PARP8: variants seen among roughly 807,000 people sequenced by gnomAD.
PARP8 encodes the protein poly(ADP-ribose) polymerase family member 8, also known as protein mono-ADP-ribosyltransferase PARP8.
PARP8 carries 51 observed loss-of-function variants against 124.1 expected under a neutral mutation model. The observed-to-expected ratio is 0.41, with a 90% CI of 0.33 to 0.52. The LOEUF is 0.52. Among genes scored for constraint, PARP8 ranks in the 20% least tolerant of loss-of-function variants. The pLI, the probability that PARP8 is intolerant of heterozygous loss-of-function variation, is 0.21. For missense variants in PARP8, 860 were observed against 1,018.9 expected (o/e 0.84, Z 2.12); for synonymous variants, 391 against 361.5 (o/e 1.08, Z -0.93).
At chr5:50,793,532 C>G (rs1001303117) in intron 10 of PARP8, among the ~76,000 whole-genome samples, 3 of 152,146 alleles carry the variant, frequency 2.0e-5, no homozygotes, top group Non-Finnish European at 4.4e-5. Flanking sequence ...TTAGGAGTTA[C>G]CAACATTCTG....
At chr5:50,757,735 T>C (rs1244182729) in intron 3 of PARP8, among the ~76,000 whole-genome samples, 1 of 152,196 alleles carries the variant, frequency 6.6e-6, no homozygotes, top group Admixed American at 6.5e-5. Context: ...GCCATTTTGA[T>C]AGAAAATCCT....
intron 15 of PARP8, among the ~76,000 whole-genome samples, chr5:50,818,226 T>TTTTTCTTTTC (rs70972948): frequency 0.26 from 37,283 of 145,682 alleles, 6,515 homozygotes; most frequent in African/African-American, 0.49. Context: ...TCTTTTTTAT[T>TTTTTCTTTTC]TTTTCTTTCT....
chr5:50,809,949 A>G (rs1157523018), intron 14 of PARP8, among the ~76,000 whole-genome samples: 3 of 152,052 alleles, frequency 2.0e-5, no homozygotes, highest in Non-Finnish European at 4.4e-5. Context: ...GAAAACATAA[A>G]TTTCTTAAAA....
chr5:50,693,006 GTGT>G (rs1167108406), intron 2 of PARP8, among the ~76,000 whole-genome samples: 2 of 152,112 alleles, frequency 1.3e-5, no homozygotes, highest in Non-Finnish European at 2.9e-5. Context: ...TATGATAAGG[GTGT>G]TGAGGACCTC....
chr5:50,678,061 A>T (rs1431868492), intron 2 of PARP8, among the ~76,000 whole-genome samples: 1 of 152,202 alleles, frequency 6.6e-6, no homozygotes, highest in African/African-American at 2.4e-5. Context: ...TAGAATGTAG[A>T]TAAGTACATG....
Position 50,667,043 on chromosome 5 carries a change from G to A in PARP8, c.-53G>A, listed in dbSNP as rs1338760697. The A allele has an allele frequency of 5.6e-6, 9 of 1,595,910 alleles. No homozygotes were observed. The highest frequency in any genetic ancestry group is 6.8e-6 in the Non-Finnish European group (8 of 1,179,552). ...TTTACGAAAGCTGGAAGCGTGCGAG[G>A]GGGGTGGGGTGGGGTGGAAATAGCG... On this transcript the variant is annotated 5_prime_UTR_variant, in exon 1 of 26. Transcript: ENST00000281631.
In PARP8 at chr5:50,826,735, A is replaced by T. The variant is rs759458998; in HGVS notation, c.1929-20A>T. ...TATATTTGGCATGTATTTGTGACTAATGGATCATTTTAATTTCAGGGTTAT... is the reference window on the plus strand; with the variant it reads ...TATATTTGGCATGTATTTGTGACTATTGGATCATTTTAATTTCAGGGTTAT... On this transcript the variant is annotated intron_variant, in intron 18 of 25. Coordinates refer to ENST00000281631, the MANE Select transcript of PARP8 (RefSeq NM_024615.4). The T allele has an allele frequency of 6.3e-7, 1 of 1,575,850 alleles. No individual in the cohort carries two copies. The highest frequency in any genetic ancestry group is 2.0e-5 in the Admixed American group (1 of 50,288).
At chr5:50,754,648 A>T (rs1182958637) in intron 3 of PARP8, among the ~76,000 whole-genome samples, 2 of 152,078 alleles carry the variant, frequency 1.3e-5, no homozygotes, top group African/African-American at 4.8e-5. Flanking sequence ...AAACGTACGT[A>T]TGCATGTGTC....
At chr5:50,817,667 T>C (rs909667158) in intron 15 of PARP8, among the ~76,000 whole-genome samples, 1 of 152,334 alleles carries the variant, frequency 6.6e-6, no homozygotes, top group East Asian at 1.9e-4. Flanking sequence ...AGATTTTTTT[T>C]AAATTACTAT....
intron 2 of PARP8, among the ~76,000 whole-genome samples, chr5:50,715,887 T>C (rs1392598462): frequency 6.6e-6 from 1 of 152,084 alleles, no homozygotes; most frequent in Non-Finnish European, 1.5e-5. Context: ...TCTTCATACA[T>C]AATGGGTAAA....
Position 50,702,797 on chromosome 5 carries a change from G to C in PARP8, c.146+34672G>C, listed in dbSNP as rs1753728718. Reference sequence around the variant, plus strand: ...GTACTTAGTGCAAAAACAACCATTAGGTAAACACGTCCGTTACACAGAAGA... The same window carrying C: ...GTACTTAGTGCAAAAACAACCATTACGTAAACACGTCCGTTACACAGAAGA... On this transcript the variant is annotated intron_variant, in intron 2 of 25. Coordinates refer to ENST00000281631, the MANE Select transcript of PARP8 (RefSeq NM_024615.4). 2.6e-5 allele frequency among the ~76,000 whole-genome samples: 4 copies of C among 152,224 alleles called. No homozygotes were observed. In the South Asian group the frequency reaches 8.3e-4, roughly 32 times the overall value.
Position 50,667,133 on chromosome 5 carries a change from A to G in PARP8, c.38A>G (p.Asp13Gly). ...MCSRQERIQK[D>G]IDVVIQKSRA... is the part of the protein sequence containing the mutation. ...TCAAGGCAAGAGCGAATTCAGAAGGATATCGACGTCGTGATCCAGAAGTCC... is the reference window on the plus strand; with the variant it reads ...TCAAGGCAAGAGCGAATTCAGAAGGGTATCGACGTCGTGATCCAGAAGTCC... Residue 13 changes from aspartate to glycine, a missense_variant, in exon 1 of 26, where the codon GAT becomes GGT. By Grantham distance (94) the Asp-to-Gly change is moderately conservative. This residue lies in a region of PARP8 where 517 missense variants were observed against 544.2 expected (regional missense o/e 0.95). Coordinates refer to ENST00000281631, the MANE Select transcript of PARP8 (RefSeq NM_024615.4). 1 of 1,596,374 alleles carries G rather than the reference A, an allele frequency of 6.3e-7. No individual in the cohort carries two copies. Among genetic ancestry groups the G allele is most frequent in the East Asian group, 2.2e-5 (1 of 44,866 alleles).
intron 2 of PARP8, among the ~76,000 whole-genome samples, chr5:50,680,620 A>G (rs576616891): frequency 2.2e-4 from 34 of 152,188 alleles, no homozygotes; most frequent in Non-Finnish European, 4.3e-4. Flanking sequence ...GCTTAAGTGT[A>G]TGGTTCTCAC....
rs369985458 is a variant in PARP8 at position 50,751,599 on chromosome 5, T to C, written c.184+1411T>C. Among the ~76,000 whole-genome samples, 100 of 152,230 alleles carry C rather than the reference T, an allele frequency of 6.6e-4. No individual in the cohort carries two copies. In the East Asian group the frequency reaches 0.012, roughly 18 times the overall value. On this transcript the variant is annotated intron_variant, in intron 3 of 25. Coordinates refer to ENST00000281631, the MANE Select transcript of PARP8 (RefSeq NM_024615.4). ...ACTGTCCAGTGCGCAGTATACCAAG[T>C]ATTTGCACATACATAATTTCATTTG...
chr5:50,724,021 T>G (rs537537390), intron 2 of PARP8, among the ~76,000 whole-genome samples: 1 of 152,258 alleles, frequency 6.6e-6, no homozygotes, highest in East Asian at 1.9e-4. Context: ...AGGGTCTTGC[T>G]GCATTCCCCA....
At chr5:50,769,745 A>T (rs542207461) in intron 7 of PARP8, among the ~76,000 whole-genome samples, 2 of 152,022 alleles carry the variant, frequency 1.3e-5, no homozygotes, top group South Asian at 4.1e-4. Flanking sequence ...ACAGAACCAC[A>T]ATCTTTATAT....
At chr5:50,697,201 A>G (rs1451526564) in intron 2 of PARP8, among the ~76,000 whole-genome samples, 1 of 152,202 alleles carries the variant, frequency 6.6e-6, no homozygotes, top group Non-Finnish European at 1.5e-5. Context: ...GGTTGCAGTG[A>G]GCCGAGATTG....
intron 7 of PARP8, among the ~76,000 whole-genome samples, chr5:50,768,223 G>C (rs528086344): frequency 1.0e-3 from 154 of 152,246 alleles, no homozygotes; most frequent in Admixed American, 1.9e-3. Context: ...GTGTGTATGT[G>C]AGTGTCTCAC....
At chr5:50,713,234 A>ATATTAT (rs142928023) in intron 2 of PARP8, among the ~76,000 whole-genome samples, 2 of 151,284 alleles carry the variant, frequency 1.3e-5, no homozygotes, top group South Asian at 2.1e-4. Flanking sequence ...TAAACTTTAG[A>ATATTAT]TATTATTATT....
Sources: allele counts gnomAD v4.1 joint callset (sites outside exome capture counted in the v4.1 genomes callset), GRCh38; gene constraint gnomAD v4.1.1; regional missense constraint gnomAD v4.1.1; transcripts MANE v1.5; gene names NCBI Gene and HGNC (gene_info 2026-07-23, HGNC 2026-07-21).